TRPM4: variants seen among roughly 807,000 people sequenced by gnomAD.
TRPM4 encodes transient receptor potential cation channel subfamily M member 4.
A neutral mutation model predicts 135.6 loss-of-function variants in TRPM4; 124 were observed. The observed-to-expected ratio is 0.91, with a 90% confidence interval of 0.79 to 1.06. TRPM4 has a LOEUF of 1.06. TRPM4 is among the 50% of genes least tolerant of loss of function. TRPM4 has a pLI of 0.00. For synonymous variants in TRPM4, 745 were observed against 705.6 expected (o/e 1.06, Z -0.88); for missense variants, 1,658 against 1,671.4 (o/e 0.99, Z 0.14).
Position 49,182,628 on chromosome 19 carries a change from T to C in TRPM4, c.1314T>C (p.Pro438=). The C allele has an allele frequency of 1.2e-6, 2 of 1,614,168 alleles. No homozygotes were observed. The highest frequency in any genetic ancestry group is 1.7e-6 in the Non-Finnish European group (2 of 1,180,044). The change falls in exon 11 of 25, where the codon CCT becomes CCC. Residue 438 remains proline, a synonymous_variant. Transcript: ENST00000252826. ...TGGACGCCCTGCTGAATGACCGGCCTGAGTTCGTGCGCTTGCTCATTTCCC... is the reference window on the plus strand; with the variant it reads ...TGGACGCCCTGCTGAATGACCGGCCCGAGTTCGTGCGCTTGCTCATTTCCC... ...SLMDALLNDR[P]EFVRLLISHG...
In TRPM4 at chr19:49,171,605, C is replaced by T. The variant is rs1182059194; in HGVS notation, c.886C>T (p.Leu296Phe). The T allele has an allele frequency of 6.2e-7, 1 of 1,613,990 alleles. No homozygotes were observed. The highest frequency in any genetic ancestry group is 8.5e-7 in the Non-Finnish European group (1 of 1,180,030). The change falls in exon 8 of 25, where the codon CTC becomes TTC. Residue 296 changes from leucine (L) to phenylalanine (F), a missense_variant. By Grantham distance (22) the Leu-to-Phe change is conservative. Around this residue, in one of 3 missense-constraint regions of TRPM4, gnomAD observed 1,412 missense variants for 1,408.7 expected, o/e 1.00. Transcript: ENST00000252826. This position sits in a 1 kb window ranked among gnomAD's most constrained non-coding sequence, Gnocchi z 4.7. Reference sequence around the variant, plus strand: ...AATAGAGAACGCCACCCAGGCTCAGCTCCCATGTCTCCTCGTGGCTGGCTC... The same window carrying T: ...AATAGAGAACGCCACCCAGGCTCAGTTCCCATGTCTCCTCGTGGCTGGCTC... The part of the protein sequence containing the change: ...TRIENATQAQ[L>F]PCLLVAGSGG...
Position 49,161,293 on chromosome 19 carries a change from T to C in TRPM4, c.92+3034T>C, listed in dbSNP as rs111575538. ...GTGTGTGTGTGTGTTTAGAAGAGCA[T>C]TTAAAAATATCTGTCTTCTGTCTCT... On this transcript the variant is annotated intron_variant, in intron 2 of 24. Transcript: ENST00000252826. Among the ~76,000 whole-genome samples, 1,180 of 151,280 alleles carry C rather than the reference T, an allele frequency of 7.8e-3. 8 individuals carry two copies. Among genetic ancestry groups the C allele is most frequent in the Non-Finnish European group, 0.014 (933 of 67,818 alleles).
Position 49,188,701 on chromosome 19 carries a change from C to A in TRPM4, c.1804C>A (p.Leu602Met). 6.2e-7 allele frequency: 1 copy of A among 1,614,184 alleles called. No homozygotes were observed. Among genetic ancestry groups the A allele is most frequent in the Non-Finnish European group, 8.5e-7 (1 of 1,180,038 alleles). The change falls in exon 13 of 25, where the codon CTG becomes ATG. Residue 602 changes from leucine (L) to methionine (M), a missense_variant. Around this residue, in one of 3 missense-constraint regions of TRPM4, gnomAD observed 1,412 missense variants for 1,408.7 expected, o/e 1.00. Coordinates refer to ENST00000252826, the MANE Select transcript of TRPM4 (RefSeq NM_017636.4). ...ACLLLRVMAR[L>M]EPDAEEAARR... is the part of the protein sequence containing the mutation. ...TTTGCTGCTCCGGGTGATGGCACGC[C>A]TGGAGCCTGACGCTGAGGAGGCAGC...
Position 49,210,835 on chromosome 19 carries a change from T to A in TRPM4, c.3454T>A (p.Ser1152Thr), listed in dbSNP as rs774090674. The A allele has an allele frequency of 6.2e-7, 1 of 1,611,138 alleles. No individual in the cohort carries two copies. Among genetic ancestry groups the A allele is most frequent in the Non-Finnish European group, 8.5e-7 (1 of 1,179,098 alleles). Residue 1152 changes from serine (S) to threonine (T), a missense_variant, in exon 22 of 25, where the codon TCC becomes ACC. By Grantham distance (58) the Ser-to-Thr change is moderately conservative. Transcript: ENST00000252826. This position sits in a 1 kb window ranked among gnomAD's most constrained non-coding sequence, Gnocchi z 4.1. ...ESDSERLKRT[S>T]QKVDLALKQL... The stretch of plus-strand genomic sequence containing the variant: ...CGACTCCGAGCGTCTGAAGCGCACG[T>A]CCCAGAAGTGAGAGCGGGGCCTGGT...
In TRPM4 at chr19:49,183,692, C is replaced by T. The variant is rs950670304; in HGVS notation, c.1743+480C>T. ...TGCTGGGATTACAGGCATGTGCCACCGTGCCTGGCCAAGATTCTCTCTTTG... is the reference window on the plus strand; with the variant it reads ...TGCTGGGATTACAGGCATGTGCCACTGTGCCTGGCCAAGATTCTCTCTTTG... On this transcript the variant is annotated intron_variant, in intron 12 of 24. Transcript: ENST00000252826. Among the ~76,000 whole-genome samples, 11 of 151,964 alleles carry T rather than the reference C, an allele frequency of 7.2e-5. No homozygotes were observed. The South Asian group carries it at 8.3e-4, about 11-fold the overall frequency.
At position 49,210,161 on chromosome 19, in the gene TRPM4, C is replaced by G. The variant is rs1427429194; in HGVS notation, c.3132-48C>G. On this transcript the variant is annotated intron_variant, in intron 20 of 24. Coordinates refer to ENST00000252826, the MANE Select transcript of TRPM4 (RefSeq NM_017636.4). The surrounding 1 kb of genome is among the most constrained non-coding windows in gnomAD (Gnocchi z 4.1). ...TGGCATCTAACCTTCGTCCTTGCCCCTGGCTGGGCCCTGACCTCAAGTGAC... is the reference window on the plus strand; with the variant it reads ...TGGCATCTAACCTTCGTCCTTGCCCGTGGCTGGGCCCTGACCTCAAGTGAC... 6.2e-7 allele frequency: 1 copy of G among 1,602,106 alleles called. No homozygotes were observed. Among genetic ancestry groups the G allele is most frequent in the Non-Finnish European group, 8.6e-7 (1 of 1,169,092 alleles).
intron 3 of TRPM4, among the ~76,000 whole-genome samples, chr19:49,167,465 C>T (rs1967251982): frequency 2.3e-5 from 2 of 85,508 alleles, no homozygotes; most frequent in South Asian, 5.0e-4. Flanking sequence ...GGGTCTCTGT[C>T]GCCATCTCTC....
chr19:49,178,083 C>T (rs1445241908), intron 9 of TRPM4, among the ~76,000 whole-genome samples: 2 of 152,172 alleles, frequency 1.3e-5, no homozygotes, highest in African/African-American at 4.8e-5. Flanking sequence ...ATTATCACAG[C>T]ACCTTGGAAG....
rs752416823 is a variant in TRPM4, at chr19:49,211,547, C to G, written c.*49C>G. On this transcript the variant is annotated 3_prime_UTR_variant, in exon 25 of 25. Transcript: ENST00000252826. This position sits in a 1 kb window ranked among gnomAD's most constrained non-coding sequence, Gnocchi z 4.8. ...GAAGCCCCCACAGGGGATTTTGCTC[C>G]TAGAGTAAGGCTCATCTGGGCCTCG... 7.4e-6 allele frequency: 12 copies of G among 1,613,352 alleles called. No individual in the cohort carries two copies. The Admixed American group carries it at 1.2e-4, about 16-fold the overall frequency.
In TRPM4 at chr19:49,182,480, C is replaced by A. The variant is rs1278332106; in HGVS notation, c.1264-98C>A. The A allele has an allele frequency of 1.2e-5, 11 of 881,704 alleles. No homozygotes were observed. The African/African-American group carries it at 2.0e-4, about 16-fold the overall frequency. The allele number at this position is 881,704 out of a possible 1,614,324, so 54.6% of individuals were successfully genotyped here. A position where few individuals can be genotyped will look rare whatever the true frequency, so the allele number is the denominator to read the frequency against. On this transcript the variant is annotated intron_variant, in intron 10 of 24. Transcript: ENST00000252826. The stretch of plus-strand genomic sequence containing the variant: ...TCCATCCATCCATCCATCCATCCAT[C>A]CATCCATCCATCCATCCATCCGTCC...
intron 5 of TRPM4, 38 bp from the exon 6 acceptor site, chr19:49,168,515 G>A (rs757555185): frequency 1.7e-5 from 27 of 1,613,664 alleles, no homozygotes; most frequent in Admixed American, 1.2e-4. Context: ...TTCTGGCCCC[G>A]ATGAGGAGAC....
intron 16 of TRPM4, among the ~76,000 whole-genome samples, chr19:49,192,798 C>T (rs550408844): frequency 2.6e-5 from 4 of 152,054 alleles, no homozygotes; most frequent in Admixed American, 6.6e-5. Flanking sequence ...ACCTACCTAA[C>T]AAACCTGCAC....
chr19:49,187,844 G>C (rs1490523423), intron 12 of TRPM4, among the ~76,000 whole-genome samples: 1 of 152,080 alleles, frequency 6.6e-6, no homozygotes, highest in Non-Finnish European at 1.5e-5. Context: ...GAATCACAGG[G>C]GTTGGAAGTG....
chr19:49,175,129 G>A (rs1465940157), intron 9 of TRPM4, among the ~76,000 whole-genome samples: 1 of 142,676 alleles, frequency 7.0e-6, no homozygotes, highest in Admixed American at 7.3e-5. Context: ...AGGCTGGAGT[G>A]CAATAGTGCC....
chr19:49,165,298 A>T (rs996810243), intron 2 of TRPM4, among the ~76,000 whole-genome samples: 10 of 152,116 alleles, frequency 6.6e-5, no homozygotes, highest in African/African-American at 2.4e-4. Context: ...CCATTTTTTG[A>T]GCCCGAGGCC....
chr19:49,178,311 G>A (rs540921003), intron 9 of TRPM4, among the ~76,000 whole-genome samples: 1 of 152,226 alleles, frequency 6.6e-6, no homozygotes, highest in African/African-American at 2.4e-5. Flanking sequence ...GGTGACAGAC[G>A]AAGACCCTGT....
intron 14 of TRPM4, among the ~76,000 whole-genome samples, chr19:49,189,558 C>T (rs1968333751): frequency 6.8e-6 from 1 of 147,884 alleles, no homozygotes; most frequent in South Asian, 2.1e-4. Context: ...TTTTTTTGGA[C>T]ATAAACAAAC....
At chr19:49,202,276 A>C (rs562898126) in intron 20 of TRPM4, 135 bp downstream of exon 20, 4 of 1,045,118 alleles carry the variant, frequency 3.8e-6, no homozygotes, top group Admixed American at 3.8e-5. Flanking sequence ...CTTCTCCCCA[A>C]ACCCAACCAG....
intron 9 of TRPM4, among the ~76,000 whole-genome samples, chr19:49,175,067 C>CTTTTTTTTTTTTTTTTTTTTTTTTTTT (rs772062913): frequency 3.9e-5 from 3 of 77,580 alleles, no homozygotes; most frequent in Non-Finnish European, 6.5e-5. Flanking sequence ...TCATGCCTGG[C>CTTTTTTTTTTTTTTTTTTTTTTTTTTT]TTTTTTTTTT....
Sources: allele counts gnomAD v4.1 joint callset (sites outside exome capture counted in the v4.1 genomes callset), GRCh38; gene constraint gnomAD v4.1.1; regional missense constraint gnomAD v4.1.1; non-coding constraint Gnocchi (gnomAD v3.1); transcripts MANE v1.5; gene names NCBI Gene and HGNC (gene_info 2026-07-23, HGNC 2026-07-21).